ZMYND11: variants seen among roughly 807,000 people sequenced by gnomAD.
ZMYND11 encodes the protein zinc finger MYND-type containing 11, also known as zinc finger MYND domain-containing protein 11.
Under a neutral mutation model 84.9 loss-of-function variants are expected in ZMYND11, and 9 were observed. The ratio of observed to expected loss-of-function variants is 0.11; its 90% confidence interval spans 0.06 to 0.18. The LOEUF is 0.18. Among genes scored for constraint, ZMYND11 ranks in the 10% least tolerant of loss-of-function variants. The pLI, the probability that ZMYND11 is intolerant of heterozygous loss-of-function variation, is 1.00. For missense variants in ZMYND11, 409 were observed against 761.0 expected, an observed-to-expected ratio of 0.54 and a Z score of 5.44; for synonymous variants, 250 against 244.1, an observed-to-expected ratio of 1.02 and a Z score of -0.23.
chr10:231,853 G>C lies in ZMYND11; in HGVS notation c.439-4985G>C, dbSNP rs1191251984. Among the ~76,000 whole-genome samples, 5 of 152,130 alleles carry C rather than the reference G, an allele frequency of 3.3e-5. No individual in the cohort carries two copies. In the East Asian group the frequency reaches 9.6e-4, roughly 29 times the overall value. Reference sequence around the variant, plus strand: ...GTCTACAACCCTGCTTCAGACATGCGATTACCGTCACTTTTAAATACAACA... The same window carrying C: ...GTCTACAACCCTGCTTCAGACATGCCATTACCGTCACTTTTAAATACAACA... On this transcript the variant is annotated intron_variant, in intron 4 of 14. Coordinates refer to ENST00000381604, the MANE Select transcript of ZMYND11 (RefSeq NM_001370100.5).
At chr10:168,397 G>T (rs1844512635) in intron 1 of ZMYND11, among the ~76,000 whole-genome samples, 1 of 151,994 alleles carries the variant, frequency 6.6e-6, no homozygotes, top group Admixed American at 6.6e-5. Flanking sequence ...GATTACCTGA[G>T]CCCAGGAGAA....
At chr10:240,733 T>G (rs549554911) in intron 8 of ZMYND11, among the ~76,000 whole-genome samples, 160 bp from the exon 9 acceptor site, 7 of 152,350 alleles carry the variant, frequency 4.6e-5, no homozygotes, top group African/African-American at 1.4e-4. Context: ...GGTCTTCCAG[T>G]ACCATTTATT....
chr10:137,702 G>T (rs1836443886), intron 1 of ZMYND11, among the ~76,000 whole-genome samples: 1 of 152,144 alleles, frequency 6.6e-6, no homozygotes, highest in South Asian at 2.1e-4. Context: ...GAAAAAATAT[G>T]AATGTCTGTA....
At chr10:211,005 T>G (rs904633656) in intron 3 of ZMYND11, among the ~76,000 whole-genome samples, 9 of 151,190 alleles carry the variant, frequency 6.0e-5, no homozygotes, top group African/African-American at 1.9e-4. Context: ...CAAAAAAAAA[T>G]AAAATACACA....
At chr10:136,913 A>G (rs1197257537) in intron 1 of ZMYND11, among the ~76,000 whole-genome samples, 1 of 152,150 alleles carries the variant, frequency 6.6e-6, no homozygotes, top group Admixed American at 6.5e-5. Flanking sequence ...GCAGTATTCA[A>G]TGTCATATAC....
chr10:139,800 C>T (rs1837081908), intron 1 of ZMYND11, among the ~76,000 whole-genome samples: 2 of 150,748 alleles, frequency 1.3e-5, no homozygotes, highest in Non-Finnish European at 2.9e-5. Context: ...CAACCTCCAC[C>T]TCCTGGGTTC....
chr10:143,168 G>A (rs531764176), intron 1 of ZMYND11, among the ~76,000 whole-genome samples: 18 of 152,148 alleles, frequency 1.2e-4, no homozygotes, highest in Non-Finnish European at 2.4e-4. Flanking sequence ...TGGGTGTGCC[G>A]TCATCTAACA....
chr10:170,658 G>C (rs1172042317), intron 1 of ZMYND11, among the ~76,000 whole-genome samples: 1 of 151,924 alleles, frequency 6.6e-6, no homozygotes, highest in Non-Finnish European at 1.5e-5. Flanking sequence ...CAAACTCTAG[G>C]GAAACCACTA....
chr10:160,132 G>A, intron 1 of ZMYND11, among the ~76,000 whole-genome samples: 1 of 152,134 alleles, frequency 6.6e-6, no homozygotes, highest in East Asian at 1.9e-4. Flanking sequence ...TATGTATACA[G>A]GCGTACCCTG....
chr10:249,271 C>A lies in ZMYND11; in HGVS notation c.1686+183C>A, dbSNP rs1454462891. 2.4e-5 allele frequency: 34 copies of A among 1,438,380 alleles called. No homozygotes were observed. The East Asian group carries it at 8.6e-4, about 36-fold the overall frequency. 89.1% of individuals were successfully genotyped at this position (1,438,380 alleles called of 1,614,324 possible). A position where few individuals can be genotyped will look rare whatever the true frequency, so the allele number is the denominator to read the frequency against. Reference sequence around the variant, plus strand: ...TCCTATGATCTCTCAACCCCAGATCCCATATTACTGTGTACTGCTCAGGAT... The same window carrying A: ...TCCTATGATCTCTCAACCCCAGATCACATATTACTGTGTACTGCTCAGGAT... On this transcript the variant is annotated intron_variant, in intron 14 of 14. Coordinates refer to ENST00000381604, the MANE Select transcript of ZMYND11 (RefSeq NM_001370100.5).
intron 2 of ZMYND11, among the ~76,000 whole-genome samples, chr10:190,963 C>G (rs1564351935): frequency 1.3e-5 from 2 of 151,912 alleles, no homozygotes; most frequent in South Asian, 2.1e-4. Context: ...ATTCTGCTTC[C>G]TTTTGATGGT....
At chr10:220,442 TA>T (rs900480350) in intron 3 of ZMYND11, among the ~76,000 whole-genome samples, 4 of 151,810 alleles carry the variant, frequency 2.6e-5, no homozygotes, top group Middle Eastern at 3.2e-3. Flanking sequence ...ATTAGCTGTA[TA>T]AAAAAAAGGT....
At chr10:239,610 CT>C (rs1310941772) in intron 7 of ZMYND11, 85 bp downstream of exon 7, 1 of 959,930 alleles carries the variant, frequency 1.0e-6, no homozygotes, top group Non-Finnish European at 1.6e-6. Context: ...TAAAACATTA[CT>C]TTCAAAGAAT....
chr10:182,341 A>G (rs1374257551), intron 2 of ZMYND11, among the ~76,000 whole-genome samples: 2 of 152,348 alleles, frequency 1.3e-5, no homozygotes, highest in Admixed American at 6.5e-5. Context: ...TGCATTATGT[A>G]TTATTGATAA....
intron 2 of ZMYND11, among the ~76,000 whole-genome samples, chr10:181,751 G>T (rs1193843662): frequency 2.0e-5 from 3 of 151,908 alleles, no homozygotes; most frequent in Admixed American, 6.5e-5. Flanking sequence ...ACAACTCCTT[G>T]CTCCTATAAG....
chr10:231,817 C>G (rs1949057466), intron 4 of ZMYND11, among the ~76,000 whole-genome samples: 1 of 152,190 alleles, frequency 6.6e-6, no homozygotes, highest in South Asian at 2.1e-4. Flanking sequence ...TGCTTTAGTT[C>G]TTACGCAAAC....
At chr10:221,452 G>A (rs1947116697) in intron 4 of ZMYND11, 96 bp downstream of exon 4, 6 of 1,297,760 alleles carry the variant, frequency 4.6e-6, no homozygotes, top group South Asian at 2.9e-5. Flanking sequence ...CCAGGTGAAC[G>A]GATAAAGGAC....
At chr10:169,557 C>G (rs1222185754) in intron 1 of ZMYND11, among the ~76,000 whole-genome samples, 2 of 151,966 alleles carry the variant, frequency 1.3e-5, no homozygotes, top group Admixed American at 1.3e-4. Flanking sequence ...ACATGGGCAA[C>G]AAGAATAAAT....
Position 248,571 on chromosome 10 carries a change from G to A in ZMYND11, c.1463G>A (p.Arg488Gln), listed in dbSNP as rs1291480287. The A allele has an allele frequency of 1.2e-6, 2 of 1,612,668 alleles. No homozygotes were observed. Among genetic ancestry groups the A allele is most frequent in the Admixed American group, 1.7e-5 (1 of 60,006 alleles). ...FKDRMKSDHKRETERVVREAL... is the reference protein window; with the variant it reads ...FKDRMKSDHKQETERVVREAL... ...GACCGGATGAAGTCGGACCACAAGC[G>A]GGAGACAGAGCGTGTTGTCCGAGAA... The change falls in exon 13 of 15, where the codon CGG becomes CAG. Residue 488 changes from arginine to glutamine, a missense_variant. By Grantham distance (43) the Arg-to-Gln change is conservative. Transcript: ENST00000381604.
Sources: allele counts gnomAD v4.1 joint callset (sites outside exome capture counted in the v4.1 genomes callset), GRCh38; gene constraint gnomAD v4.1.1; transcripts MANE v1.5; gene names NCBI Gene and HGNC (gene_info 2026-07-23, HGNC 2026-07-21).